Variants in CD247 observed in about 807,000 individuals in gnomAD.
CD247 encodes the protein CD247 molecule, also known as T-cell surface glycoprotein CD3 zeta chain.
CD247 carries 13 observed loss-of-function variants against 30.0 expected under a neutral mutation model. That is an observed-to-expected ratio of 0.43 (90% CI 0.28 to 0.69). The LOEUF is 0.69. CD247 is among the 30% of genes least tolerant of loss of function. The probability of loss-of-function intolerance (pLI) is 0.16; values close to 1 mark genes in which losing one functional copy is unlikely to be tolerated. For missense variants in CD247, 193 were observed against 212.6 expected, an observed-to-expected ratio of 0.91 and a Z score of 0.57; for synonymous variants, 72 against 80.0, an observed-to-expected ratio of 0.90 and a Z score of 0.53.
At chr1:167,440,548 T>C in intron 2 of CD247, 116 bp downstream of exon 2, 1 of 727,816 alleles carries the variant, frequency 1.4e-6, no homozygotes, top group Non-Finnish European at 2.5e-6. Flanking sequence ...GCTTTGCTCC[T>C]GGATACCAAG....
intron 1 of CD247, among the ~76,000 whole-genome samples, chr1:167,504,040 AG>A (rs1291952377): frequency 1.3e-5 from 2 of 152,128 alleles, no homozygotes; most frequent in Non-Finnish European, 2.9e-5. Context: ...AGCAAATATG[AG>A]GGAGACCCTT....
chr1:167,517,878 A>G (rs1473227558), intron 1 of CD247, among the ~76,000 whole-genome samples: 1 of 151,918 alleles, frequency 6.6e-6, no homozygotes, highest in Non-Finnish European at 1.5e-5. Flanking sequence ...CTCCTTGGTT[A>G]CCCCACTTAC....
Position 167,454,669 on chromosome 1 carries a change from G to A in CD247, c.59-13902C>T, listed in dbSNP as rs201392883. 3.7e-3 allele frequency among the ~76,000 whole-genome samples: 567 copies of A among 152,330 alleles called. 3 individuals carry two copies. The highest frequency in any genetic ancestry group is 0.013 in the African/African-American group (538 of 41,550). ...GCTGGTAAATAGCATGATCACTATTGTTATTATCCAGTGCTGTAAGGACGA... is the reference window on the plus strand; with the variant it reads ...GCTGGTAAATAGCATGATCACTATTATTATTATCCAGTGCTGTAAGGACGA... On this transcript the variant is annotated intron_variant, in intron 1 of 7. Transcript: ENST00000362089.
chr1:167,438,744 T>A, intron 3 of CD247, 94 bp from the exon 4 acceptor site: 1 of 992,112 alleles, frequency 1.0e-6, no homozygotes, highest in African/African-American at 1.6e-5. Context: ...CTCTCTGGGG[T>A]GGCTCATAAA....
At chr1:167,455,674 C>G (rs1652617327) in intron 1 of CD247, among the ~76,000 whole-genome samples, 1 of 152,236 alleles carries the variant, frequency 6.6e-6, no homozygotes, top group African/African-American at 2.4e-5. Flanking sequence ...GCCGCCCGCC[C>G]CCACTTGCGG....
chr1:167,470,948 T>G (rs1308812298), intron 1 of CD247, among the ~76,000 whole-genome samples: 1 of 150,786 alleles, frequency 6.6e-6, no homozygotes, highest in Admixed American at 6.6e-5. Context: ...CTCGGCTCAC[T>G]GCAACCTCCA....
At chr1:167,453,059 TAC>T (rs1652445280) in intron 1 of CD247, among the ~76,000 whole-genome samples, 1 of 149,240 alleles carries the variant, frequency 6.7e-6, no homozygotes, top group Non-Finnish European at 1.5e-5. Context: ...ATTATAGATA[TAC>T]AGAGAGAAAG....
chr1:167,436,191 A>G (rs1207931385), intron 4 of CD247, among the ~76,000 whole-genome samples: 1 of 152,274 alleles, frequency 6.6e-6, no homozygotes, highest in Non-Finnish European at 1.5e-5. Context: ...GATACACCAC[A>G]TTAACAGAAT....
chr1:167,431,288 C>G lies in CD247; in HGVS notation c.*393G>C, dbSNP rs1651254119. On this transcript the variant is annotated 3_prime_UTR_variant, in exon 8 of 8. Transcript: ENST00000362089. Reference sequence around the variant, plus strand: ...TACAGCAGGAGTGAAGCCACTCAGACACAGAGTGATACAGACATTAGGGCA... The same window carrying G: ...TACAGCAGGAGTGAAGCCACTCAGAGACAGAGTGATACAGACATTAGGGCA... 1 of 547,654 alleles carries G rather than the reference C, an allele frequency of 1.8e-6. No homozygotes were observed. The highest frequency in any genetic ancestry group is 3.2e-6 in the Non-Finnish European group (1 of 311,548). The allele number at this position is 547,654 out of a possible 1,614,324, so 33.9% of individuals were successfully genotyped here. A position where few individuals can be genotyped will look rare whatever the true frequency, so the allele number is the denominator to read the frequency against.
At chr1:167,493,869 T>G (rs1374374756) in intron 1 of CD247, among the ~76,000 whole-genome samples, 1 of 152,210 alleles carries the variant, frequency 6.6e-6, no homozygotes, top group Non-Finnish European at 1.5e-5. Context: ...GGCTTCTTTA[T>G]CTAGAATTAT....
At chr1:167,467,426 G>C (rs1269944810) in intron 1 of CD247, among the ~76,000 whole-genome samples, 1 of 152,212 alleles carries the variant, frequency 6.6e-6, no homozygotes, top group Non-Finnish European at 1.5e-5. Flanking sequence ...GGGATTTTCT[G>C]TTCAACAGAT....
intron 1 of CD247, among the ~76,000 whole-genome samples, chr1:167,490,024 C>T (rs927667741): frequency 6.6e-6 from 1 of 152,072 alleles, no homozygotes; most frequent in Non-Finnish European, 1.5e-5. Context: ...CCACCCCACC[C>T]CTTTTTTTGA....
chr1:167,465,474 C>T (rs1218767894), intron 1 of CD247, among the ~76,000 whole-genome samples: 1 of 151,842 alleles, frequency 6.6e-6, no homozygotes, highest in East Asian at 1.9e-4. Context: ...ATTACAGGCT[C>T]CCGGCATCAT....
intron 1 of CD247, among the ~76,000 whole-genome samples, chr1:167,490,839 T>C (rs1654415387): frequency 6.6e-6 from 1 of 151,894 alleles, no homozygotes; most frequent in Non-Finnish European, 1.5e-5. Context: ...CGTTTGAACA[T>C]GGGCAGGAGA....
chr1:167,441,215 A>T (rs185900628), intron 1 of CD247, among the ~76,000 whole-genome samples: 2 of 152,346 alleles, frequency 1.3e-5, no homozygotes, highest in East Asian at 1.9e-4. Context: ...AATAGGTCAA[A>T]TGATGGTCAA....
At chr1:167,437,398 G>A (rs1240685114) in intron 4 of CD247, among the ~76,000 whole-genome samples, 1 of 105,500 alleles carries the variant, frequency 9.5e-6, no homozygotes, top group Non-Finnish European at 1.9e-5. Context: ...AAAGCTAAAC[G>A]CTGTCTCAAA....
At chr1:167,479,593 G>T (rs901124732) in intron 1 of CD247, among the ~76,000 whole-genome samples, 1 of 152,086 alleles carries the variant, frequency 6.6e-6, no homozygotes. Flanking sequence ...TCACATCACA[G>T]ACCTCCCCGC....
In CD247 at chr1:167,440,558, GC is replaced by G. The variant is rs1161305822; in HGVS notation, c.162+105del. On this transcript the variant is annotated intron_variant, in intron 2 of 7. Coordinates refer to ENST00000362089, the MANE Select transcript of CD247 (RefSeq NM_198053.3). ...TCCTTGCTTTGCTCCTGGATACCAA[GC>G]CCCAGGCACCACCCGAGCTTGAGAC... The G allele has an allele frequency of 4.0e-6, 3 of 754,556 alleles. No homozygotes were observed. In the African/African-American group the frequency reaches 5.2e-5, roughly 13 times the overall value. 46.7% of individuals were successfully genotyped at this position (754,556 alleles called of 1,614,324 possible). A position where few individuals can be genotyped will look rare whatever the true frequency, so the allele number is the denominator to read the frequency against.
chr1:167,432,960 G>A (rs1464906926), intron 7 of CD247, 64 bp downstream of exon 7: 1 of 1,566,988 alleles, frequency 6.4e-7, no homozygotes, highest in Admixed American at 1.7e-5. Flanking sequence ...AAAATGTGGG[G>A]GCCTTGATCT....
Sources: allele counts gnomAD v4.1 joint callset (sites outside exome capture counted in the v4.1 genomes callset), GRCh38; gene constraint gnomAD v4.1.1; transcripts MANE v1.5; gene names NCBI Gene and HGNC (gene_info 2026-07-23, HGNC 2026-07-21).